The following CAPN2 variants were observed in gnomAD, a reference collection of about 807,000 sequenced individuals.
CAPN2 encodes calpain 2.
Under a neutral mutation model 102.3 loss-of-function variants are expected in CAPN2, and 92 were observed. The ratio of observed to expected loss-of-function variants is 0.90; its 90% CI spans 0.76 to 1.07. CAPN2 has a LOEUF of 1.07. CAPN2 is among the 50% of genes least tolerant of loss of function. The probability of loss-of-function intolerance (pLI) is 0.00; values close to 1 mark genes in which losing one functional copy is unlikely to be tolerated. For missense variants in CAPN2, 800 were observed against 909.4 expected (o/e 0.88, Z 1.55); for synonymous variants, 340 against 355.4 (o/e 0.96, Z 0.49).
chr1:223,747,731 T>G (rs1571804239), intron 5 of CAPN2, among the ~76,000 whole-genome samples: 1 of 152,288 alleles, frequency 6.6e-6, no homozygotes, highest in South Asian at 2.1e-4. Flanking sequence ...TGAGGGAACT[T>G]CAGAGAATAG....
intron 16 of CAPN2, among the ~76,000 whole-genome samples, chr1:223,769,104 C>CTGTT (rs761654058): frequency 4.6e-5 from 7 of 151,950 alleles, no homozygotes; most frequent in Non-Finnish European, 8.8e-5. Context: ...GAAGTTTTTT[C>CTGTT]TGTTTGTTTG....
At position 223,757,229 on chromosome 1, in the gene CAPN2, T is replaced by C. The variant is rs909437418; in HGVS notation, c.1306-140T>C. On this transcript the variant is annotated intron_variant, in intron 10 of 20. Transcript: ENST00000295006. The stretch of plus-strand genomic sequence containing the variant: ...AGTGTTGGAGAGGCTTTGAGTTCCT[T>C]GGAAAACAGTTACTCGGTTGAATTA... 5.3e-6 allele frequency: 5 copies of C among 944,652 alleles called. No individual in the cohort carries two copies. In the African/African-American group the frequency reaches 8.0e-5, roughly 15 times the overall value. 58.5% of individuals were successfully genotyped at this position (944,652 alleles called of 1,614,324 possible).
intron 18 of CAPN2, 101 bp from the exon 19 acceptor site, chr1:223,771,708 T>C: frequency 1.3e-6 from 1 of 787,148 alleles, no homozygotes; most frequent in Non-Finnish European, 2.2e-6. Flanking sequence ...AAAGCAATTA[T>C]ACCTCATTTA....
chr1:223,704,866 G>A (rs1659568399), intron 1 of CAPN2, among the ~76,000 whole-genome samples: 1 of 152,212 alleles, frequency 6.6e-6, no homozygotes, highest in African/African-American at 2.4e-5. Flanking sequence ...AACCGAGGCA[G>A]GGGAAATGTG....
At position 223,758,689 on chromosome 1, in the gene CAPN2, C is replaced by CTTTTTTTTTTTTTTTTTTT. The variant is rs1553255729; in HGVS notation, c.1318-576_1318-575insTTTTTTTTTTTTTTTTTTT. ...TTTGTGTTTTTTGGTAGAAAGTTTG[C>CTTTTTTTTTTTTTTTTTTT]TTTTTGTTTTTTTTTTTTTTAAGAC... On this transcript the variant is annotated intron_variant, in intron 11 of 20. Transcript: ENST00000295006. 2 of 146,728 alleles carry CTTTTTTTTTTTTTTTTTTT rather than the reference C, an allele frequency of 1.4e-5. 1 individual carries two copies. The highest frequency in any genetic ancestry group is 5.4e-5 in the African/African-American group (2 of 37,244). The allele number at this position is 146,728 out of a possible 1,614,324, so 9.1% of individuals were successfully genotyped here. A position where few individuals can be genotyped will look rare whatever the true frequency, so the allele number is the denominator to read the frequency against.
intron 20 of CAPN2, among the ~76,000 whole-genome samples, chr1:223,774,154 ACCCAC>A (rs1192937933): frequency 7.5e-6 from 1 of 133,962 alleles, no homozygotes; most frequent in Non-Finnish European, 1.6e-5. Flanking sequence ...TACCCCAGCC[ACCCAC>A]CCCCACTCCA....
At position 223,725,879 on chromosome 1, in the gene CAPN2, G is replaced by A. The variant is rs116615619; in HGVS notation, c.307+8048G>A. Among the ~76,000 whole-genome samples, 1,325 of 152,272 alleles carry A rather than the reference G, an allele frequency of 8.7e-3. 17 individuals carry two copies. Among genetic ancestry groups the A allele is most frequent in the African/African-American group, 0.03 (1,250 of 41,554 alleles). On this transcript the variant is annotated intron_variant, in intron 2 of 20. Transcript: ENST00000295006. This position sits in a 1 kb window ranked among gnomAD's most constrained non-coding sequence, Gnocchi z 4.1. ...CATAAGTTTCCACTCACCCATCTGC[G>A]AAATGGGAACAATGACGATGTTTGC...
intron 7 of CAPN2, 99 bp from the exon 8 acceptor site, chr1:223,751,898 C>A: frequency 1.3e-6 from 1 of 747,196 alleles, no homozygotes; most frequent in Non-Finnish European, 2.3e-6. Flanking sequence ...GGAGCCTGAG[C>A]CCTCAGAGGT....
At chr1:223,708,917 GAGAA>G (rs1659672439), upstream of CAPN2, among the ~76,000 whole-genome samples, 1 of 152,038 alleles carries the variant, frequency 6.6e-6, no homozygotes, top group Non-Finnish European at 1.5e-5. Context: ...AAAAAAAAGA[GAGAA>G]AGACAATTCC....
intron 2 of CAPN2, among the ~76,000 whole-genome samples, chr1:223,728,200 A>T (rs1039939061): frequency 6.6e-6 from 1 of 152,148 alleles, no homozygotes; most frequent in Non-Finnish European, 1.5e-5. Flanking sequence ...ATGGTTCTGA[A>T]GGATGACGGG....
chr1:223,771,760 G>C, intron 18 of CAPN2, 49 bp from the exon 19 acceptor site: 1 of 1,166,026 alleles, frequency 8.6e-7, no homozygotes, highest in Non-Finnish European at 1.3e-6. Flanking sequence ...GCAGCTAAAT[G>C]GAACAATCTA....
intron 18 of CAPN2, 27 bp from the exon 19 acceptor site, chr1:223,771,782 T>G: frequency 9.8e-5 from 132 of 1,343,566 alleles, no homozygotes; most frequent in Non-Finnish European, 1.3e-4. Flanking sequence ...TGCTTAGCAA[T>G]GAGTTTGTTT....
chr1:223,706,541 T>TG (rs924991211), intron 1 of CAPN2, among the ~76,000 whole-genome samples: 3 of 152,084 alleles, frequency 2.0e-5, no homozygotes, highest in African/African-American at 7.2e-5. Flanking sequence ...CCTCCTACAC[T>TG]GGGTATGGAC....
upstream of CAPN2, among the ~76,000 whole-genome samples, chr1:223,707,860 C>T (rs1401145678): frequency 2.0e-5 from 3 of 152,208 alleles, no homozygotes; most frequent in Non-Finnish European, 2.9e-5. Context: ...GGGAAATGAC[C>T]TCCACCTGCC....
At chr1:223,763,389 A>G (rs1267233850) in intron 14 of CAPN2, among the ~76,000 whole-genome samples, 2 of 152,206 alleles carry the variant, frequency 1.3e-5, no homozygotes, top group Admixed American at 6.5e-5. Flanking sequence ...AGGGGCCATG[A>G]GAGTCTTCTT....
chr1:223,748,902 T>A, intron 5 of CAPN2, 137 bp from the exon 6 acceptor site: 1 of 757,090 alleles, frequency 1.3e-6, no homozygotes, highest in Non-Finnish European at 2.4e-6. Flanking sequence ...AGCGCAGCCC[T>A]GAGCCTCCCA....
At chr1:223,702,526 A>G (rs1659510090) in intron 1 of CAPN2, among the ~76,000 whole-genome samples, 1 of 152,230 alleles carries the variant, frequency 6.6e-6, no homozygotes, top group Non-Finnish European at 1.5e-5. Flanking sequence ...TTATTTGGAC[A>G]CCATCAAACT....
At chr1:223,737,347 C>T (rs1033303060) in intron 2 of CAPN2, among the ~76,000 whole-genome samples, 1 of 152,164 alleles carries the variant, frequency 6.6e-6, no homozygotes, top group Non-Finnish European at 1.5e-5. Flanking sequence ...AGGACCTTCA[C>T]GGGGCAGCTT....
chr1:223,709,801 A>G (rs879848737), upstream of CAPN2, among the ~76,000 whole-genome samples: 1 of 152,224 alleles, frequency 6.6e-6, no homozygotes, highest in Non-Finnish European at 1.5e-5. Context: ...TAGACAAAAA[A>G]CTGGTCTCTC....
Sources: allele counts gnomAD v4.1 joint callset (sites outside exome capture counted in the v4.1 genomes callset), GRCh38; gene constraint gnomAD v4.1.1; non-coding constraint Gnocchi (gnomAD v3.1); transcripts MANE v1.5; gene names NCBI Gene and HGNC (gene_info 2026-07-23, HGNC 2026-07-21).